MYLK3: variants seen among roughly 807,000 people sequenced by gnomAD.
MYLK3 encodes myosin light chain kinase 3.
MYLK3 carries 55 observed loss-of-function variants against 76.3 expected under a neutral mutation model. The ratio of observed to expected loss-of-function variants is 0.72; its 90% CI spans 0.58 to 0.90. MYLK3 has a LOEUF of 0.90. Among genes scored for constraint, MYLK3 ranks in the 40% least tolerant of loss-of-function variants. The pLI is 0.00. For synonymous variants in MYLK3, 416 were observed against 425.4 expected, an observed-to-expected ratio of 0.98 and a Z score of 0.27; for missense variants, 973 against 1,053.6, an observed-to-expected ratio of 0.92 and a Z score of 1.06.
intron 1 of MYLK3, among the ~76,000 whole-genome samples, chr16:46,754,348 C>T (rs1567293779): frequency 6.6e-6 from 1 of 151,950 alleles, no homozygotes; most frequent in Non-Finnish European, 1.5e-5. Flanking sequence ...AGAATTTGTC[C>T]CCTTCAAAAT....
intron 1 of MYLK3, among the ~76,000 whole-genome samples, chr16:46,746,945 G>A (rs542269447): frequency 4.5e-4 from 68 of 152,296 alleles, no homozygotes; most frequent in Middle Eastern, 3.4e-3. Flanking sequence ...AGTCAAGCAC[G>A]GACCCCTCTG....
At position 46,727,484 on chromosome 16, in the gene MYLK3, C is replaced by G. The variant is rs1342199055; in HGVS notation, c.1773-107G>C. Reference sequence around the variant, plus strand: ...AGGCCAGCCCGGGTAGGCCCACCATCACACCCCATGGGTCACAGGGCTGCT... The same window carrying G: ...AGGCCAGCCCGGGTAGGCCCACCATGACACCCCATGGGTCACAGGGCTGCT... On this transcript the variant is annotated intron_variant, in intron 7 of 12. Coordinates refer to ENST00000394809, the MANE Select transcript of MYLK3 (RefSeq NM_182493.3). 1.3e-5 allele frequency: 16 copies of G among 1,260,492 alleles called. No individual in the cohort carries two copies. In the South Asian group the frequency reaches 2.5e-4, roughly 20 times the overall value. 78.1% of individuals were successfully genotyped at this position (1,260,492 alleles called of 1,614,324 possible).
intron 1 of MYLK3, among the ~76,000 whole-genome samples, chr16:46,741,734 CA>C (rs1179946396): frequency 1.3e-5 from 2 of 152,048 alleles, no homozygotes; most frequent in Admixed American, 6.5e-5. Flanking sequence ...GCCCAGAGGC[CA>C]AAAACAGCTC....
intron 1 of MYLK3, among the ~76,000 whole-genome samples, chr16:46,742,408 T>C (rs1001338639): frequency 1.4e-5 from 2 of 143,844 alleles, no homozygotes; most frequent in African/African-American, 5.2e-5. Flanking sequence ...ATACAAAAAT[T>C]AGCCAGGCGT....
chr16:46,749,784 A>T (rs184635212), upstream of MYLK3, among the ~76,000 whole-genome samples: 1 of 152,336 alleles, frequency 6.6e-6, no homozygotes, highest in African/African-American at 2.4e-5. Context: ...GCTATGTTAG[A>T]CCATTAACCT....
At chr16:46,749,909 G>A (rs1283481163), upstream of MYLK3, among the ~76,000 whole-genome samples, 1 of 152,140 alleles carries the variant, frequency 6.6e-6, no homozygotes, top group East Asian at 1.9e-4. Context: ...ACCCATTCCT[G>A]AGAGCACAGC....
intron 4 of MYLK3, 29 bp from the exon 5 acceptor site, chr16:46,730,727 G>C: frequency 6.2e-7 from 1 of 1,603,954 alleles, no homozygotes; most frequent in Non-Finnish European, 8.5e-7. Flanking sequence ...GGACCTGTGA[G>C]CCTCCTCTGT....
intron 9 of MYLK3, among the ~76,000 whole-genome samples, chr16:46,715,020 G>A (rs746615256): frequency 6.6e-6 from 1 of 152,156 alleles, no homozygotes; most frequent in Non-Finnish European, 1.5e-5. Context: ...GTCACTGAAC[G>A]AAGGTGGGAA....
intron 9 of MYLK3, among the ~76,000 whole-genome samples, chr16:46,713,346 C>T (rs560266584): frequency 8.5e-5 from 13 of 152,058 alleles, no homozygotes; most frequent in Admixed American, 3.3e-4. Context: ...TACAGGCACA[C>T]GCCACTACAT....
intron 1 of MYLK3, chr16:46,757,491 GGGGCACA>G: frequency 1.0e-6 from 1 of 985,460 alleles, no homozygotes; most frequent in Non-Finnish European, 1.2e-6. Flanking sequence ...GTGCTGGAGT[GGGGCACA>G]GAGTCCCCAT....
chr16:46,732,465 G>A lies in MYLK3; in HGVS notation c.1205C>T (p.Pro402Leu), dbSNP rs761650400. The A allele has an allele frequency of 1.5e-5, 24 of 1,611,248 alleles. No homozygotes were observed. The highest frequency in any genetic ancestry group is 4.4e-5 in the South Asian group (4 of 91,086). The part of the protein sequence containing the change: ...QTPEGARELS[P>L]LQESSSPGGV... ...CCCGGGGCTGCTGCTCTCCTGCAGC[G>A]GGGAGAGCTCTCTGGCTCCTTCAGG... is the stretch of plus-strand genomic sequence containing the variant. Residue 402 changes from proline to leucine, a missense_variant, in exon 4 of 13, where the codon CCG becomes CTG. By Grantham distance (98) the Pro-to-Leu change is moderately conservative (BLOSUM62 -3). Coordinates refer to ENST00000394809, the MANE Select transcript of MYLK3 (RefSeq NM_182493.3).
intron 12 of MYLK3, among the ~76,000 whole-genome samples, chr16:46,708,398 A>G (rs1205541049): frequency 6.6e-6 from 1 of 152,226 alleles, no homozygotes; most frequent in Non-Finnish European, 1.5e-5. Context: ...AATAAAACCA[A>G]GTGGCACAGA....
intron 4 of MYLK3, 70 bp from the exon 5 acceptor site, chr16:46,730,768 G>A: frequency 7.3e-7 from 1 of 1,368,174 alleles, no homozygotes; most frequent in Non-Finnish European, 1.0e-6. Context: ...ACCTGTGCCA[G>A]ACCCACTTAG....
chr16:46,748,374 T>G, upstream of MYLK3: 1 of 1,175,872 alleles, frequency 8.5e-7, no homozygotes, highest in Non-Finnish European at 1.1e-6. The surrounding 1 kb of genome is among the most constrained non-coding windows in gnomAD (Gnocchi z 4.3). Context: ...GTTCTTCCTG[T>G]GCCTTTGCTT....
In MYLK3 at chr16:46,712,765, C is replaced by A; in HGVS notation, c.1997G>T (p.Arg666Leu). 1 of 1,597,500 alleles carries A rather than the reference C, an allele frequency of 6.3e-7. No individual in the cohort carries two copies. The highest frequency in any genetic ancestry group is 2.3e-5 in the East Asian group (1 of 43,622). ...GCCGAAGTTCACCTTCAGCTTCTCTCGAGGCTTGTACCTGGGGAGAAGGGG... is the reference window on the plus strand; with the variant it reads ...GCCGAAGTTCACCTTCAGCTTCTCTAGAGGCTTGTACCTGGGGAGAAGGGG... Reference protein sequence around the residue: ...DFGLARRYKPREKLKVNFGTP... With the variant: ...DFGLARRYKPLEKLKVNFGTP... Residue 666 changes from arginine (R) to leucine (L), a missense_variant, in exon 10 of 13, where the codon CGA (arginine) becomes CTA (leucine). Arg to Leu is a moderately radical substitution (Grantham distance 102, BLOSUM62 -2). Around this residue, in one of 2 missense-constraint regions of MYLK3, gnomAD observed 332 missense variants for 416.6 expected, o/e 0.80. Coordinates refer to ENST00000394809, the MANE Select transcript of MYLK3 (RefSeq NM_182493.3).
At chr16:46,740,549 A>AT (rs1254192960) in intron 1 of MYLK3, among the ~76,000 whole-genome samples, 12 of 103,106 alleles carry the variant, frequency 1.2e-4, no homozygotes, top group African/African-American at 3.6e-4. Flanking sequence ...ATATATATAT[A>AT]TATTTTTTTT....
At chr16:46,723,501 G>GTA (rs1169820955) in intron 8 of MYLK3, among the ~76,000 whole-genome samples, 1 of 152,126 alleles carries the variant, frequency 6.6e-6, no homozygotes, top group Non-Finnish European at 1.5e-5. Context: ...TCTCTTAGGG[G>GTA]TATAGCTAGG....
intron 8 of MYLK3, among the ~76,000 whole-genome samples, chr16:46,724,691 T>G (rs1256435520): frequency 6.6e-6 from 1 of 152,244 alleles, no homozygotes; most frequent in Non-Finnish European, 1.5e-5. Flanking sequence ...GTTGTTTTGG[T>G]TTCTGTAGCA....
chr16:46,759,261 A>T (rs1967244995), intron 1 of MYLK3, among the ~76,000 whole-genome samples: 1 of 152,230 alleles, frequency 6.6e-6, no homozygotes, highest in Non-Finnish European at 1.5e-5. Context: ...GCCTAAGCAA[A>T]GTCAAATGGA....
Sources: allele counts gnomAD v4.1 joint callset (sites outside exome capture counted in the v4.1 genomes callset), GRCh38; gene constraint gnomAD v4.1.1; regional missense constraint gnomAD v4.1.1; non-coding constraint Gnocchi (gnomAD v3.1); transcripts MANE v1.5; gene names NCBI Gene and HGNC (gene_info 2026-07-23, HGNC 2026-07-21).